RXRG: variants seen among roughly 807,000 people sequenced by gnomAD.
RXRG encodes retinoic acid receptor RXR-gamma.
In RXRG, 19 loss-of-function variants were observed where a neutral mutation model predicts 49.2. The ratio of observed to expected loss-of-function variants is 0.39; its 90% confidence interval spans 0.27 to 0.57. The LOEUF (loss-of-function observed/expected upper bound fraction) is 0.57. RXRG is among the 20% of genes least tolerant of loss of function. The pLI is 0.64. For synonymous variants in RXRG, 224 were observed against 216.6 expected (o/e 1.03, Z -0.30); for missense variants, 452 against 592.5 (o/e 0.76, Z 2.46).
At chr1:165,443,600 C>G (rs796234606) in intron 1 of RXRG, among the ~76,000 whole-genome samples, 1 of 152,300 alleles carries the variant, frequency 6.6e-6, no homozygotes, top group African/African-American at 2.4e-5. Context: ...CAAGCCTGCC[C>G]CAGTCCCAAA....
chr1:165,425,407 G>T (rs6685620), intron 2 of RXRG, among the ~76,000 whole-genome samples: 3,981 of 152,226 alleles, frequency 0.026, 85 homozygotes, highest in Admixed American at 0.062. Flanking sequence ...ACCTTATTCC[G>T]TGCTTATCCC....
intron 1 of RXRG, among the ~76,000 whole-genome samples, chr1:165,442,881 T>G (rs879727358): frequency 5.9e-5 from 9 of 152,202 alleles, no homozygotes; most frequent in Admixed American, 5.2e-4. Context: ...AGGTGAAAAA[T>G]TGGGAACCAA....
At chr1:165,436,432 C>T (rs1468175796) in intron 1 of RXRG, among the ~76,000 whole-genome samples, 1 of 152,166 alleles carries the variant, frequency 6.6e-6, no homozygotes, top group Non-Finnish European at 1.5e-5. Context: ...ATTGTAAACA[C>T]ATAATAAAAG....
At chr1:165,412,019 G>A (rs1657967350) in intron 4 of RXRG, among the ~76,000 whole-genome samples, 1 of 152,088 alleles carries the variant, frequency 6.6e-6, no homozygotes, top group Non-Finnish European at 1.5e-5. Flanking sequence ...CTTTAAGCAG[G>A]TGACTAGCCT....
In RXRG at chr1:165,409,486, T is replaced by C. The variant is rs562635387; in HGVS notation, c.1046+72A>G. 1,161 of 1,144,414 alleles carry C rather than the reference T, an allele frequency of 1.0e-3. 5 individuals carry two copies. The highest frequency in any genetic ancestry group is 3.6e-3 in the Admixed American group (47 of 12,962). 70.9% of individuals were successfully genotyped at this position (1,144,414 alleles called of 1,614,324 possible). On this transcript the variant is annotated intron_variant, in intron 7 of 9. Transcript: ENST00000359842. ...ACGTGAGAATTCATGTATGTACACA[T>C]GTGTATACACACACACACACACACA...
chr1:165,409,083 G>T (rs1557910719), intron 7 of RXRG, among the ~76,000 whole-genome samples: 3 of 152,092 alleles, frequency 2.0e-5, no homozygotes, highest in Non-Finnish European at 4.4e-5. Flanking sequence ...CCTGCTGCAG[G>T]CCTCCTTCTG....
chr1:165,437,012 G>A, intron 1 of RXRG: 1 of 1,186,490 alleles, frequency 8.4e-7, no homozygotes, highest in Non-Finnish European at 1.1e-6. Flanking sequence ...ATATCTTGGA[G>A]TGTTTCTTCT....
rs777511859 is a variant in RXRG, at chr1:165,406,794, C to T, written c.1244+18G>A. 2 of 1,578,406 alleles carry T rather than the reference C, an allele frequency of 1.3e-6. No homozygotes were observed. Among genetic ancestry groups the T allele is most frequent in the Non-Finnish European group, 8.7e-7 (1 of 1,147,774 alleles). On this transcript the variant is annotated intron_variant, in intron 9 of 9. Coordinates refer to ENST00000359842, the MANE Select transcript of RXRG (RefSeq NM_006917.5). ...AGTAGTTGCTGCTGTTACTACGATT[C>T]TGCCAGCACTGTCTCACCTGCCTGG...
At chr1:165,443,757 C>A (rs1659074954) in intron 1 of RXRG, among the ~76,000 whole-genome samples, 1 of 152,204 alleles carries the variant, frequency 6.6e-6, no homozygotes, top group Non-Finnish European at 1.5e-5. Flanking sequence ...AGTGTGTCAC[C>A]ATGCCTCCCA....
chr1:165,431,218 T>G (rs1242496229), intron 1 of RXRG, among the ~76,000 whole-genome samples: 1 of 152,152 alleles, frequency 6.6e-6, no homozygotes, highest in African/African-American at 2.4e-5. Context: ...ACAGCAAAGA[T>G]GATTGGAGAG....
At position 165,444,165 on chromosome 1, in the gene RXRG, G is replaced by T. The variant is rs78700723; in HGVS notation, c.49+680C>A. Among the ~76,000 whole-genome samples, 4 of 152,220 alleles carry T rather than the reference G, an allele frequency of 2.6e-5. No individual in the cohort carries two copies. In the East Asian group the frequency reaches 7.7e-4, roughly 29 times the overall value. On this transcript the variant is annotated intron_variant, in intron 1 of 9. Transcript: ENST00000359842. ...TCTTCAGTTTGCCAATTCTCTAAGA[G>T]CCCCAACCCCCCATCCCCAGATCTC...
chr1:165,416,859 G>A (rs1658141834), intron 4 of RXRG, among the ~76,000 whole-genome samples, 182 bp downstream of exon 4: 1 of 152,178 alleles, frequency 6.6e-6, no homozygotes. Context: ...CAATACACGA[G>A]TACCCAAAGT....
In RXRG at chr1:165,433,120, C is replaced by T. The variant is rs148407691; in HGVS notation, c.50-4154G>A. 9.3e-3 allele frequency among the ~76,000 whole-genome samples: 1,416 copies of T among 152,084 alleles called. 28 individuals are homozygous for T. The highest frequency in any genetic ancestry group is 0.04 in the South Asian group (192 of 4,804). ...GTCCATTTTTCCATACCTTTCATCC[C>T]TTCTGCATCAGAGGATGCACAATTT... On this transcript the variant is annotated intron_variant, in intron 1 of 9. Transcript: ENST00000359842.
At chr1:165,436,699 C>A (rs1407514649) in intron 1 of RXRG, among the ~76,000 whole-genome samples, 1 of 152,160 alleles carries the variant, frequency 6.6e-6, no homozygotes, top group Non-Finnish European at 1.5e-5. Context: ...GGACTTCCAA[C>A]TCCTATCATT....
At chr1:165,442,326 C>T (rs1165843387) in intron 1 of RXRG, among the ~76,000 whole-genome samples, 2 of 152,246 alleles carry the variant, frequency 1.3e-5, no homozygotes, top group African/African-American at 4.8e-5. Context: ...CTCCTCTTAA[C>T]TGGCACATGC....
rs143467524 is a variant in RXRG, at chr1:165,417,366, T to C, written c.443-146A>G. The C allele has an allele frequency of 5.5e-4, 360 of 658,606 alleles. 2 individuals carry two copies. The highest frequency in any genetic ancestry group is 2.3e-3 in the African/African-American group (129 of 55,136). The allele number at this position is 658,606 out of a possible 1,614,324, so 40.8% of individuals were successfully genotyped here. On this transcript the variant is annotated intron_variant, in intron 3 of 9. Transcript: ENST00000359842. ...AAAGCAAATAATCACTAGCAGAGAA[T>C]GCAGGCTTGATCACAGGAACCAAAC...
At chr1:165,408,135 C>G in intron 8 of RXRG, 92 bp downstream of exon 8, 1 of 953,142 alleles carries the variant, frequency 1.0e-6, no homozygotes. Context: ...TGTGTCTCAG[C>G]TGAGATGGAG....
chr1:165,429,063 G>T, intron 1 of RXRG, 97 bp from the exon 2 acceptor site: 6 of 1,371,126 alleles, frequency 4.4e-6, no homozygotes, highest in Non-Finnish European at 4.9e-6. Flanking sequence ...CCTGTATCCT[G>T]CCCCTCTTTT....
In RXRG at chr1:165,444,858, G is replaced by A. The variant is rs1420878341; in HGVS notation, c.36C>T (p.Pro12=). ...GGAGATACTTACCTCCATAGCCTGC[G>A]GGAAACTTCATGAAGTGAGAATAAT... ...YGNYSHFMKF[P]AGYGGSPGHT... The change falls in exon 1 of 10, where the codon CCC becomes CCT. Residue 12 remains proline (P), a synonymous_variant. Transcript: ENST00000359842. The A allele has an allele frequency of 6.2e-7, 1 of 1,614,026 alleles. No individual in the cohort carries two copies.
Sources: allele counts gnomAD v4.1 joint callset (sites outside exome capture counted in the v4.1 genomes callset), GRCh38; gene constraint gnomAD v4.1.1; transcripts MANE v1.5; gene names NCBI Gene and HGNC (gene_info 2026-07-23, HGNC 2026-07-21).